Variants in ATP8B4 observed in about 807,000 individuals in gnomAD.
ATP8B4 encodes the protein probable phospholipid-transporting ATPase IM.
Under a neutral mutation model 145.6 loss-of-function variants are expected in ATP8B4, and 133 were observed. That is an observed-to-expected ratio of 0.91 (90% confidence interval 0.79 to 1.05). The LOEUF (loss-of-function observed/expected upper bound fraction) is 1.05. Among genes scored for constraint, ATP8B4 ranks in the 50% least tolerant of loss-of-function variants. ATP8B4 has a pLI of 0.00. For missense variants in ATP8B4, 1,458 were observed against 1,425.2 expected (o/e 1.02, Z -0.37); for synonymous variants, 507 against 492.9 (o/e 1.03, Z -0.38).
intron 5 of ATP8B4, among the ~76,000 whole-genome samples, chr15:50,043,080 T>C (rs932839395): frequency 1.3e-5 from 2 of 152,160 alleles, no homozygotes; most frequent in African/African-American, 2.4e-5. Context: ...TACAGATGGG[T>C]TAAAAATAGG....
intron 27 of ATP8B4, among the ~76,000 whole-genome samples, chr15:49,861,473 T>TCTATCTACCTAC (rs1285604644): frequency 1.4e-4 from 19 of 135,688 alleles, no homozygotes; most frequent in Non-Finnish European, 2.0e-4. Context: ...TATCTATCTA[T>TCTATCTACCTAC]CTACCTACCT....
intron 24 of ATP8B4, among the ~76,000 whole-genome samples, chr15:49,878,445 C>A (rs563837655): frequency 3.3e-5 from 5 of 152,182 alleles, no homozygotes. Flanking sequence ...TTGCAATAGA[C>A]GGCTTTGGCC....
intron 2 of ATP8B4, among the ~76,000 whole-genome samples, chr15:50,087,452 C>G (rs1324345457): frequency 1.4e-5 from 2 of 147,164 alleles, no homozygotes; most frequent in Non-Finnish European, 3.0e-5. Flanking sequence ...TATATATACA[C>G]TCCTCATATT....
chr15:49,944,697 C>A (rs937888348), intron 14 of ATP8B4, among the ~76,000 whole-genome samples: 12 of 151,978 alleles, frequency 7.9e-5, no homozygotes, highest in African/African-American at 2.9e-4. Context: ...CTTGAACAAC[C>A]CTATAGACCA....
At chr15:49,956,867 G>C (rs571768777) in intron 14 of ATP8B4, among the ~76,000 whole-genome samples, 16 of 152,092 alleles carry the variant, frequency 1.1e-4, no homozygotes, top group Non-Finnish European at 1.9e-4. Context: ...TTCTTATGAA[G>C]TATTCTTGAA....
At chr15:49,929,368 T>C (rs956619820) in intron 16 of ATP8B4, among the ~76,000 whole-genome samples, 1 of 152,118 alleles carries the variant, frequency 6.6e-6, no homozygotes, top group African/African-American at 2.4e-5. Flanking sequence ...CATTATAAAG[T>C]TCATGGACAA....
At chr15:50,176,111 T>A (rs1017099286) in intron 1 of ATP8B4, among the ~76,000 whole-genome samples, 1 of 151,090 alleles carries the variant, frequency 6.6e-6, no homozygotes, top group African/African-American at 2.5e-5. Context: ...TGTATATATA[T>A]ATACTGCACA....
chr15:50,062,155 T>C (rs1385701412), intron 3 of ATP8B4, among the ~76,000 whole-genome samples: 2 of 152,170 alleles, frequency 1.3e-5, no homozygotes, highest in African/African-American at 4.8e-5. Flanking sequence ...AAGTCTCATA[T>C]TGAAATGTAA....
chr15:49,981,378 GA>G (rs1207857637), intron 10 of ATP8B4, 84 bp from the exon 11 acceptor site: 16 of 1,019,802 alleles, frequency 1.6e-5, no homozygotes, highest in South Asian at 4.8e-5. Flanking sequence ...GTCTCTGAAA[GA>G]AAAAAATATA....
chr15:50,090,880 A>T (rs918965267), intron 2 of ATP8B4, among the ~76,000 whole-genome samples: 2 of 152,060 alleles, frequency 1.3e-5, no homozygotes, highest in African/African-American at 4.8e-5. Flanking sequence ...GAGCCACCTC[A>T]CTTGGCCTGA....
intron 1 of ATP8B4, among the ~76,000 whole-genome samples, chr15:50,114,825 T>G (rs1480472648): frequency 3.3e-5 from 5 of 152,116 alleles, no homozygotes; most frequent in Non-Finnish European, 2.9e-5. Flanking sequence ...TTAAAATGTA[T>G]TTTTTTAACT....
chr15:50,129,751 C>A (rs2057332147), intron 1 of ATP8B4, among the ~76,000 whole-genome samples: 5 of 151,800 alleles, frequency 3.3e-5, no homozygotes, highest in Admixed American at 3.3e-4. Flanking sequence ...AGATCGAGAC[C>A]ATCCTTGGCA....
At chr15:50,180,209 A>C (rs2044825209) in intron 1 of ATP8B4, among the ~76,000 whole-genome samples, 1 of 152,118 alleles carries the variant, frequency 6.6e-6, no homozygotes, top group African/African-American at 2.4e-5. Context: ...AGAACTCCTA[A>C]GAAAAAGATT....
chr15:50,160,511 A>C (rs188903682), intron 1 of ATP8B4, among the ~76,000 whole-genome samples: 165 of 149,332 alleles, frequency 1.1e-3, no homozygotes, highest in African/African-American at 3.8e-3. Context: ...TTTAATGTAG[A>C]TACTGCTATA....
chr15:49,879,705 G>A, intron 23 of ATP8B4: 1 of 383,890 alleles, frequency 2.6e-6, no homozygotes. Flanking sequence ...GTGGCAGTGA[G>A]GACAAAATAA....
At chr15:49,871,028 G>A (rs1224721872) in intron 25 of ATP8B4, among the ~76,000 whole-genome samples, 1 of 152,212 alleles carries the variant, frequency 6.6e-6, no homozygotes, top group Non-Finnish European at 1.5e-5. Context: ...GACTGGGGAG[G>A]CCCACAGCTT....
At position 50,102,786 on chromosome 15, in the gene ATP8B4, C is replaced by CAAA. The variant is rs34999776; in HGVS notation, c.28+4150_28+4152dup. ...ATACCAAAACCAGGGATGGACATAA[C>CAAA]AAAAAAAAAAAAACTACAGAACAAT... On this transcript the variant is annotated intron_variant, in intron 2 of 27. Transcript: ENST00000284509. Among the ~76,000 whole-genome samples, 670 of 140,562 alleles carry CAAA rather than the reference C, an allele frequency of 4.8e-3. 3 individuals carry two copies. Among genetic ancestry groups the CAAA allele is most frequent in the Middle Eastern group, 7.6e-3 (2 of 262 alleles). 92.2% of individuals were successfully genotyped at this position (140,562 alleles called of 152,430 possible).
chr15:49,963,930 T>A (rs2044309263), intron 13 of ATP8B4, among the ~76,000 whole-genome samples: 2 of 152,156 alleles, frequency 1.3e-5, no homozygotes, highest in South Asian at 4.1e-4. Context: ...GTTACTTGAA[T>A]CAACCTGTGC....
intron 2 of ATP8B4, among the ~76,000 whole-genome samples, chr15:50,079,567 A>G (rs1402188500): frequency 1.3e-5 from 2 of 152,208 alleles, no homozygotes; most frequent in African/African-American, 4.8e-5. Context: ...TTCTTGCCTC[A>G]GGCATTAATT....
Sources: allele counts gnomAD v4.1 joint callset (sites outside exome capture counted in the v4.1 genomes callset), GRCh38; gene constraint gnomAD v4.1.1; transcripts MANE v1.5; gene names NCBI Gene and HGNC (gene_info 2026-07-23, HGNC 2026-07-21).